TRIM4: variants seen among roughly 807,000 people sequenced by gnomAD.
TRIM4 encodes the protein tripartite motif containing 4, also known as E3 ubiquitin-protein ligase TRIM4.
A neutral mutation model predicts 33.7 loss-of-function variants in TRIM4; 29 were observed. The ratio of observed to expected loss-of-function variants is 0.86; its 90% confidence interval spans 0.64 to 1.17. TRIM4 has a LOEUF of 1.17. Ranked by LOEUF, TRIM4 falls within the 50% of genes most tolerant of loss-of-function variation. TRIM4 has a pLI of 0.00. For missense variants in TRIM4, 554 were observed against 593.7 expected, an observed-to-expected ratio of 0.93 and a Z score of 0.69; for synonymous variants, 224 against 233.0, an observed-to-expected ratio of 0.96 and a Z score of 0.35.
chr7:99,898,074 C>A (rs993711485), intron 5 of TRIM4, among the ~76,000 whole-genome samples: 1 of 152,228 alleles, frequency 6.6e-6, no homozygotes, highest in Non-Finnish European at 1.5e-5. Flanking sequence ...ATGCTGCTAA[C>A]TTGAGTACCT....
chr7:99,893,246 G>A (rs1232346308), intron 5 of TRIM4, among the ~76,000 whole-genome samples: 3 of 151,966 alleles, frequency 2.0e-5, no homozygotes, highest in Admixed American at 1.3e-4. Flanking sequence ...CAGCCTGGGT[G>A]ACAGAGCAAG....
chr7:99,891,276 T>C lies in TRIM4; in HGVS notation c.*887A>G, dbSNP rs1818886890. 1 of 152,236 alleles carries C rather than the reference T, an allele frequency of 6.6e-6. No homozygotes were observed. Among genetic ancestry groups the C allele is most frequent in the African/African-American group, 2.4e-5 (1 of 41,460 alleles). The allele number at this position is 152,236 out of a possible 1,614,324, so 9.4% of individuals were successfully genotyped here. The stretch of plus-strand genomic sequence containing the variant: ...AGCTGGCCAATACTGAGCTAGTTAC[T>C]CTAAAGAGTTCAGTTTTCTCATTTG... On this transcript the variant is annotated 3_prime_UTR_variant, in exon 6 of 6. Transcript: ENST00000349062.
At chr7:99,914,224 C>G (rs1197308161) in intron 1 of TRIM4, among the ~76,000 whole-genome samples, 1 of 152,234 alleles carries the variant, frequency 6.6e-6, no homozygotes, top group East Asian at 1.9e-4. Context: ...GTGGCACGAT[C>G]ATAGCTCACT....
At chr7:99,911,670 G>T (rs1819444800) in intron 1 of TRIM4, among the ~76,000 whole-genome samples, 2 of 152,170 alleles carry the variant, frequency 1.3e-5, no homozygotes, top group African/African-American at 4.8e-5. Context: ...AGGGTATGGA[G>T]CAACTGGAAC....
At position 99,892,379 on chromosome 7, in the gene TRIM4, C is replaced by A. The variant is rs576660959; in HGVS notation, c.1209G>T (p.Leu403Phe). ...IYWSAAGYWP[L>F]IGFPGTPTQQ... ...GGGTGGGAGTTCCAGGGAAGCCTAT[C>A]AAGGGCCAATAGCCAGCAGCACTCC... The change falls in exon 6 of 6, where the codon TTG (leucine) becomes TTT (phenylalanine). Residue 403 changes from leucine to phenylalanine, a missense_variant. Physicochemically the swap from Leu to Phe is conservative, Grantham distance 22. This residue lies in a region of TRIM4 where 290 missense variants were observed against 335.8 expected (regional missense o/e 0.86). Coordinates refer to ENST00000349062, the MANE Select transcript of TRIM4 (RefSeq NM_033091.3). 12 of 1,614,142 alleles carry A rather than the reference C, an allele frequency of 7.4e-6. No individual in the cohort carries two copies. In the East Asian group the frequency reaches 8.9e-5, roughly 12 times the overall value.
At chr7:99,894,583 C>T (rs1818973029) in intron 5 of TRIM4, among the ~76,000 whole-genome samples, 1 of 151,910 alleles carries the variant, frequency 6.6e-6, no homozygotes, top group Non-Finnish European at 1.5e-5. Context: ...AGGAGAATCA[C>T]TTGAACCTGG....
At chr7:99,918,861 G>A in intron 1 of TRIM4, 148 bp downstream of exon 1, 1 of 1,034,400 alleles carries the variant, frequency 9.7e-7, no homozygotes, top group Non-Finnish European at 1.3e-6. Context: ...TCTGAAATTC[G>A]TGTTTTGCTT....
chr7:99,917,942 C>A, intron 1 of TRIM4: 1 of 710,742 alleles, frequency 1.4e-6, no homozygotes, highest in Non-Finnish European at 1.7e-6. Context: ...AGCAAGAAAG[C>A]CAGTATGGCT....
intron 1 of TRIM4, among the ~76,000 whole-genome samples, chr7:99,914,197 T>C (rs1819503112): frequency 6.6e-6 from 1 of 152,140 alleles, no homozygotes; most frequent in Non-Finnish European, 1.5e-5. Flanking sequence ...TCATACAATA[T>C]CCACAACGCA....
At chr7:99,914,238 G>C (rs1418386843) in intron 1 of TRIM4, among the ~76,000 whole-genome samples, 1 of 152,144 alleles carries the variant, frequency 6.6e-6, no homozygotes, top group East Asian at 1.9e-4. Flanking sequence ...GCTCACTGCA[G>C]CCTCGAACTC....
chr7:99,890,841 C>T lies in TRIM4; in HGVS notation c.*1322G>A, dbSNP rs182066032. The stretch of plus-strand genomic sequence containing the variant: ...TGTGACATGTAATTGATCTATAGAA[C>T]AAACCTGCACGTGTTCCCCTTAAAC... On this transcript the variant is annotated 3_prime_UTR_variant, in exon 6 of 6. Transcript: ENST00000349062. The T allele has an allele frequency of 6.6e-6, 1 of 152,324 alleles. No individual in the cohort carries two copies. The highest frequency in any genetic ancestry group is 2.4e-5 in the African/African-American group (1 of 41,572). 9.4% of individuals were successfully genotyped at this position (152,324 alleles called of 1,614,324 possible).
At chr7:99,918,433 C>T (rs1260574315) in intron 1 of TRIM4, among the ~76,000 whole-genome samples, 3 of 151,970 alleles carry the variant, frequency 2.0e-5, no homozygotes, top group Non-Finnish European at 4.4e-5. Flanking sequence ...GGTGTGGTGG[C>T]GTGTGCCTGT....
At chr7:99,898,001 C>T (rs937179861) in intron 5 of TRIM4, among the ~76,000 whole-genome samples, 2 of 152,256 alleles carry the variant, frequency 1.3e-5, no homozygotes, top group African/African-American at 4.8e-5. Context: ...CAGAACACAA[C>T]AGACTATTGG....
intron 1 of TRIM4, among the ~76,000 whole-genome samples, chr7:99,914,962 G>A (rs1037161207): frequency 6.6e-5 from 10 of 151,684 alleles, no homozygotes; most frequent in South Asian, 2.1e-4. Flanking sequence ...GGTGCCCACC[G>A]CCGCACCTAG....
At chr7:99,917,498 TC>T (rs994055451) in intron 1 of TRIM4, among the ~76,000 whole-genome samples, 2 of 152,162 alleles carry the variant, frequency 1.3e-5, no homozygotes, top group Non-Finnish European at 2.9e-5. Context: ...GGTGGGTGGA[TC>T]ACCTGAGGTC....
chr7:99,918,735 C>T (rs1332269499), intron 1 of TRIM4, among the ~76,000 whole-genome samples: 1 of 152,144 alleles, frequency 6.6e-6, no homozygotes, highest in Non-Finnish European at 1.5e-5. Flanking sequence ...GGCACACACC[C>T]TCTCAGTATG....
intron 1 of TRIM4, chr7:99,916,926 C>G (rs1197104420): frequency 3.1e-6 from 2 of 645,386 alleles, no homozygotes; most frequent in African/African-American, 3.6e-5. Context: ...AGCTCATGGC[C>G]CACCATCCTC....
At chr7:99,918,065 C>T (rs1402365138) in intron 1 of TRIM4, among the ~76,000 whole-genome samples, 1 of 152,184 alleles carries the variant, frequency 6.6e-6, no homozygotes, top group Non-Finnish European at 1.5e-5. Context: ...ATGAAGGAAG[C>T]TAGTAACAAA....
At chr7:99,893,766 T>C (rs977917775) in intron 5 of TRIM4, among the ~76,000 whole-genome samples, 2 of 152,102 alleles carry the variant, frequency 1.3e-5, no homozygotes, top group African/African-American at 2.4e-5. Context: ...TCCACTCCCA[T>C]TGCCACTGCC....
Sources: gnomAD v4.1 joint callset for allele counts (sites outside exome capture counted in the v4.1 genomes callset) on GRCh38, gnomAD v4.1.1 for gene constraint, gnomAD v4.1.1 regional missense constraint, MANE v1.5 for transcripts, NCBI Gene and HGNC (gene_info 2026-07-23, HGNC 2026-07-21) for gene names.